The following ACER3 variants were observed in gnomAD, a reference collection of about 807,000 sequenced individuals.
ACER3 encodes the protein alkCDase 3.
Under a neutral mutation model 48.9 loss-of-function variants are expected in ACER3, and 16 were observed. The ratio of observed to expected loss-of-function variants is 0.33; its 90% CI spans 0.22 to 0.50. The LOEUF (loss-of-function observed/expected upper bound fraction) is 0.50. Ranked by LOEUF, ACER3 falls within the 20% of genes least tolerant of loss-of-function variation. The pLI, the probability that ACER3 is intolerant of heterozygous loss-of-function variation, is 0.98. For synonymous variants in ACER3, 109 were observed against 107.8 expected (o/e 1.01, Z -0.07); for missense variants, 227 against 326.0 (o/e 0.70, Z 2.34).
At chr11:77,011,296 C>G in intron 7 of ACER3, 1 of 984,918 alleles carries the variant, frequency 1.0e-6, no homozygotes, top group Non-Finnish European at 1.2e-6. Flanking sequence ...GCCCTGCTAC[C>G]TGGATAACCA....
chr11:76,925,222 A>G (rs1448957476), intron 1 of ACER3, among the ~76,000 whole-genome samples: 2 of 152,130 alleles, frequency 1.3e-5, no homozygotes, highest in African/African-American at 4.8e-5. Context: ...TTTTGGGCCA[A>G]TAGATTTATT....
intron 6 of ACER3, 46 bp from the exon 7 acceptor site, chr11:76,998,717 C>G (rs1023268423): frequency 6.9e-7 from 1 of 1,447,276 alleles, no homozygotes; most frequent in African/African-American, 1.5e-5. Flanking sequence ...ACTTCCTTTG[C>G]CAAACAATAA....
At chr11:76,926,842 A>G (rs1020199371) in intron 2 of ACER3, among the ~76,000 whole-genome samples, 175 bp downstream of exon 2, 1 of 152,244 alleles carries the variant, frequency 6.6e-6, no homozygotes, top group African/African-American at 2.4e-5. Context: ...TTTTGAATAA[A>G]ATGTTTTAGA....
intron 3 of ACER3, among the ~76,000 whole-genome samples, chr11:76,974,230 G>C (rs1255219657): frequency 1.3e-5 from 2 of 152,174 alleles, no homozygotes; most frequent in Non-Finnish European, 2.9e-5. Context: ...GGATCAGCTT[G>C]TCAGTTTCTG....
chr11:76,959,059 T>C, intron 3 of ACER3, 28 bp downstream of exon 3: 4 of 1,613,608 alleles, frequency 2.5e-6, no homozygotes, highest in Non-Finnish European at 3.4e-6. Flanking sequence ...TGACAAATGC[T>C]TATTTCTCTT....
At chr11:77,016,111 A>G (rs12794130) in intron 8 of ACER3, among the ~76,000 whole-genome samples, 1,918 of 8,962 alleles carry the variant, frequency 0.21, 23 homozygotes, top group African/African-American at 0.36. Flanking sequence ...CGTCTCAGGG[A>G]AAAAAAAAAA....
rs1279850668 is a variant in ACER3, at chr11:77,024,347, A to C, written c.*4020A>C. On this transcript the variant is annotated 3_prime_UTR_variant, in exon 11 of 11. Coordinates refer to ENST00000532485, the MANE Select transcript of ACER3 (RefSeq NM_018367.7). The stretch of plus-strand genomic sequence containing the variant: ...AAATATCTAACTACGTAATTGCTAC[A>C]TGGGGGAGCTGCTGGTGTTGTTGAG... 4.0e-5 allele frequency: 6 copies of C among 150,826 alleles called. No homozygotes were observed. The highest frequency in any genetic ancestry group is 1.5e-4 in the African/African-American group (6 of 41,252). 9.3% of individuals were successfully genotyped at this position (150,826 alleles called of 1,614,324 possible). A position where few individuals can be genotyped will look rare whatever the true frequency, so the allele number is the denominator to read the frequency against.
intron 2 of ACER3, among the ~76,000 whole-genome samples, chr11:76,944,895 C>CT (rs1311503674): frequency 6.6e-6 from 1 of 151,926 alleles, no homozygotes; most frequent in African/African-American, 2.4e-5. Context: ...TTTGTTCATT[C>CT]TTTTTTATTA....
At chr11:76,934,579 G>T (rs980000839) in intron 2 of ACER3, among the ~76,000 whole-genome samples, 5 of 152,252 alleles carry the variant, frequency 3.3e-5, no homozygotes, top group Non-Finnish European at 5.9e-5. Flanking sequence ...CAGGCACTCG[G>T]CAGGCTAAGG....
intron 1 of ACER3, among the ~76,000 whole-genome samples, chr11:76,900,634 A>G (rs1946055543): frequency 6.6e-6 from 1 of 152,216 alleles, no homozygotes; most frequent in Non-Finnish European, 1.5e-5. Flanking sequence ...AGCCTGGACA[A>G]CATAGTAAGA....
At chr11:77,009,272 A>G (rs189837611) in intron 7 of ACER3, among the ~76,000 whole-genome samples, 1 of 152,358 alleles carries the variant, frequency 6.6e-6, no homozygotes, top group African/African-American at 2.4e-5. Context: ...CAGACACGCC[A>G]CATGGCAAAA....
chr11:76,869,739 G>A (rs1411080046), intron 1 of ACER3, among the ~76,000 whole-genome samples: 2 of 152,104 alleles, frequency 1.3e-5, no homozygotes, highest in Admixed American at 1.3e-4. Context: ...GAACCATACA[G>A]TACTTGTCTT....
chr11:77,021,851 T>C lies in ACER3; in HGVS notation c.*1524T>C, dbSNP rs1426566554. The C allele has an allele frequency of 6.6e-6, 1 of 152,198 alleles. No homozygotes were observed. 9.4% of individuals were successfully genotyped at this position (152,198 alleles called of 1,614,324 possible). On this transcript the variant is annotated 3_prime_UTR_variant, in exon 11 of 11. Coordinates refer to ENST00000532485, the MANE Select transcript of ACER3 (RefSeq NM_018367.7). ...TAACCAAGTATCCAAGGATGTCAAC[T>C]TGACATCCTTCCCTTAGCATGCCAA...
intron 1 of ACER3, among the ~76,000 whole-genome samples, chr11:76,897,726 A>C (rs558846057): frequency 7.0e-4 from 106 of 152,292 alleles, no homozygotes; most frequent in Non-Finnish European, 1.2e-3. Flanking sequence ...TGAAAGGACA[A>C]GGCTCAATTT....
intron 2 of ACER3, among the ~76,000 whole-genome samples, chr11:76,956,661 A>T (rs1947849064): frequency 6.7e-6 from 1 of 149,430 alleles, no homozygotes; most frequent in Non-Finnish European, 1.5e-5. Flanking sequence ...CATTCTACCA[A>T]GATGAACAAT....
At chr11:76,883,977 A>G (rs1286235025) in intron 1 of ACER3, among the ~76,000 whole-genome samples, 1 of 152,144 alleles carries the variant, frequency 6.6e-6, no homozygotes, top group African/African-American at 2.4e-5. Context: ...CTTCATTACC[A>G]AAATGTTCTA....
Position 76,984,925 on chromosome 11 carries a change from T to C in ACER3, c.321-718T>C, listed in dbSNP as rs1948657460. Among the ~76,000 whole-genome samples, 3 of 152,196 alleles carry C rather than the reference T, an allele frequency of 2.0e-5. No homozygotes were observed. The South Asian group carries it at 6.2e-4, about 31-fold the overall frequency. ...TTATGTGGAACCCAATAGCAGGAAG[T>C]ACAGCCCCACCTTACTAGAACTGGA... On this transcript the variant is annotated intron_variant, in intron 4 of 10. Transcript: ENST00000532485.
chr11:76,893,555 C>T (rs12718490), intron 1 of ACER3, among the ~76,000 whole-genome samples: 86,840 of 152,008 alleles, frequency 0.57, 28,007 homozygotes, highest in Non-Finnish European at 0.74. Flanking sequence ...TGTAGTAGCT[C>T]GTGCTTGTAA....
At chr11:77,016,066 T>A (rs1949360898) in intron 8 of ACER3, among the ~76,000 whole-genome samples, 1 of 143,054 alleles carries the variant, frequency 7.0e-6, no homozygotes. Context: ...GAGATCGTGC[T>A]ACTGTACTCC....
Sources: gnomAD v4.1 joint callset for allele counts (sites outside exome capture counted in the v4.1 genomes callset) on GRCh38, gnomAD v4.1.1 for gene constraint, MANE v1.5 for transcripts, NCBI Gene and HGNC (gene_info 2026-07-23, HGNC 2026-07-21) for gene names.